The following PM20D2 variants were observed in gnomAD, a reference collection of about 807,000 sequenced individuals.
The protein encoded by PM20D2 is xaa-Arg dipeptidase.
PM20D2 carries 33 observed loss-of-function variants against 42.9 expected under a neutral mutation model. The ratio of observed to expected loss-of-function variants is 0.77; its 90% confidence interval spans 0.58 to 1.03. PM20D2 has a LOEUF of 1.03. PM20D2 is among the 50% of genes least tolerant of loss of function. The pLI is 0.00. For missense variants in PM20D2, 548 were observed against 557.0 expected, an observed-to-expected ratio of 0.98 and a Z score of 0.16; for synonymous variants, 250 against 228.2, an observed-to-expected ratio of 1.10 and a Z score of -0.86.
At chr6:89,159,985 A>T (rs73754860) in intron 5 of PM20D2, among the ~76,000 whole-genome samples, 3 of 152,170 alleles carry the variant, frequency 2.0e-5, no homozygotes, top group Admixed American at 6.5e-5. Context: ...AGTGGCTGTG[A>T]TTTTGGTATG....
At chr6:89,118,801 A>G in the PM20D2 span, among the ~76,000 whole-genome samples, 3 of 152,304 alleles carry the variant, frequency 2.0e-5, no homozygotes, top group Non-Finnish European at 4.4e-5. Flanking sequence ...TAGAGGGGGG[A>G]CAAACGAATG....
chr6:89,101,015 G>A, the PM20D2 span, among the ~76,000 whole-genome samples: 1 of 149,352 alleles, frequency 6.7e-6, no homozygotes, highest in Non-Finnish European at 1.5e-5. Context: ...TGAGGCAAGA[G>A]AATCAATCAC....
At chr6:89,105,479 C>T in the PM20D2 span, 1 of 1,612,306 alleles carries the variant, frequency 6.2e-7, no homozygotes. Flanking sequence ...CACATACCCA[C>T]TTTCTATTGA....
At chr6:89,110,022 C>T in the PM20D2 span, among the ~76,000 whole-genome samples, 21 of 151,992 alleles carry the variant, frequency 1.4e-4, 1 homozygote, top group Admixed American at 8.5e-4. Context: ...ACCCAGGAGG[C>T]GGAGCTTGCA....
the PM20D2 span, among the ~76,000 whole-genome samples, chr6:89,117,625 G>C: frequency 6.6e-6 from 1 of 152,080 alleles, no homozygotes; most frequent in Non-Finnish European, 1.5e-5. Context: ...AAGCTGGCCG[G>C]GAGGGCGGAG....
chr6:89,107,130 T>G, the PM20D2 span: 16 of 1,596,214 alleles, frequency 1.0e-5, no homozygotes, highest in Non-Finnish European at 1.4e-5. Flanking sequence ...TATATTCACA[T>G]GCACACAATA....
At chr6:89,136,149 C>T in the PM20D2 span, among the ~76,000 whole-genome samples, 1 of 151,066 alleles carries the variant, frequency 6.6e-6, no homozygotes, top group African/African-American at 2.5e-5. Context: ...TCAACTTTCC[C>T]TTAGTTGGAA....
chr6:89,136,619 A>C, the PM20D2 span, among the ~76,000 whole-genome samples: 1 of 150,866 alleles, frequency 6.6e-6, no homozygotes, highest in African/African-American at 2.5e-5. Flanking sequence ...CGGAGCTTGC[A>C]GTGAGCTAAG....
At chr6:89,118,005 G>C in the PM20D2 span, 5 of 1,099,362 alleles carry the variant, frequency 4.5e-6, no homozygotes, top group South Asian at 1.5e-5. Context: ...CCCACCCCTC[G>C]GCCTCAGCCC....
At chr6:89,109,502 T>G in the PM20D2 span, among the ~76,000 whole-genome samples, 10 of 152,202 alleles carry the variant, frequency 6.6e-5, no homozygotes, top group African/African-American at 2.4e-4. Context: ...AGGATTCAAA[T>G]GAAGGTCTTC....
chr6:89,096,595 A>G, the PM20D2 span: 1 of 152,226 alleles, frequency 6.6e-6, no homozygotes. Context: ...AGGAATACAG[A>G]GATTTGTGAA....
At chr6:89,130,249 A>G in the PM20D2 span, among the ~76,000 whole-genome samples, 4 of 151,646 alleles carry the variant, frequency 2.6e-5, no homozygotes, top group Admixed American at 2.6e-4. Context: ...ACGCGTGGCT[A>G]TTTTATGTTA....
chr6:89,156,133 C>G (rs1435882772), intron 4 of PM20D2, among the ~76,000 whole-genome samples: 1 of 152,178 alleles, frequency 6.6e-6, no homozygotes, highest in Non-Finnish European at 1.5e-5. Context: ...ATCCACCCAC[C>G]TCAGCCTCCC....
intron 4 of PM20D2, 92 bp downstream of exon 4, chr6:89,154,994 T>G: frequency 8.6e-7 from 1 of 1,159,704 alleles, no homozygotes; most frequent in Non-Finnish European, 1.2e-6. Context: ...ACTCTCTTAT[T>G]TGGTGACATG....
chr6:89,160,950 A>G (rs7765876), intron 5 of PM20D2, among the ~76,000 whole-genome samples: 54,753 of 151,680 alleles, frequency 0.36, 10,854 homozygotes, highest in African/African-American at 0.53. Flanking sequence ...TAGTGGGAAC[A>G]TGGTATGAGA....
At chr6:89,119,517 G>A in the PM20D2 span, among the ~76,000 whole-genome samples, 1 of 152,202 alleles carries the variant, frequency 6.6e-6, no homozygotes, top group Non-Finnish European at 1.5e-5. Context: ...GAGCAGGCTG[G>A]ATTCATAATA....
chr6:89,124,733 GTTGTTT>G, the PM20D2 span, among the ~76,000 whole-genome samples: 35 of 79,554 alleles, frequency 4.4e-4, 1 homozygote, highest in South Asian at 2.3e-3. Context: ...TGTTGCTGTT[GTTGTTT>G]TTTTTTTTTT....
the PM20D2 span, among the ~76,000 whole-genome samples, chr6:89,136,521 C>CA: frequency 2.3e-3 from 342 of 150,286 alleles, 30 homozygotes; most frequent in African/African-American, 8.3e-3. Context: ...ACTAAAAATA[C>CA]AAAAAAATCA....
the PM20D2 span, chr6:89,117,898 T>C: frequency 6.4e-7 from 1 of 1,559,222 alleles, no homozygotes; most frequent in Non-Finnish European, 8.7e-7. Context: ...GACCGCTTCC[T>C]CCGTTCCCTC....
Sources: allele counts gnomAD v4.1 joint callset (sites outside exome capture counted in the v4.1 genomes callset), GRCh38; gene constraint gnomAD v4.1.1; transcripts MANE v1.5; gene names NCBI Gene and HGNC (gene_info 2026-07-23, HGNC 2026-07-21).